The following ECM2 variants were observed in gnomAD, a reference collection of about 807,000 sequenced individuals.
ECM2 encodes extracellular matrix protein 2, female organ and adipocyte specific.
In ECM2, 57 loss-of-function variants were observed where a neutral mutation model predicts 67.5. That is an observed-to-expected ratio of 0.84 (90% CI 0.68 to 1.05). The LOEUF is 1.05. Ranked by LOEUF, ECM2 falls within the 50% of genes least tolerant of loss-of-function variation. ECM2 has a pLI of 0.00. For missense variants in ECM2, 741 were observed against 822.8 expected, an observed-to-expected ratio of 0.90 and a Z score of 1.22; for synonymous variants, 258 against 294.5, an observed-to-expected ratio of 0.88 and a Z score of 1.27.
chr9:92,546,374 C>T, the ECM2 span, among the ~76,000 whole-genome samples: 2 of 152,130 alleles, frequency 1.3e-5, no homozygotes, highest in African/African-American at 2.4e-5. Flanking sequence ...TTGCTCTTTG[C>T]AATAAATCTT....
intron 8 of ECM2, among the ~76,000 whole-genome samples, chr9:92,501,283 G>A (rs1161689631): frequency 6.6e-6 from 1 of 152,134 alleles, no homozygotes; most frequent in Non-Finnish European, 1.5e-5. Flanking sequence ...GAGTCCATGC[G>A]AGAGGAGCAT....
the ECM2 span, among the ~76,000 whole-genome samples, chr9:92,556,640 T>C: frequency 2.6e-5 from 4 of 152,224 alleles, no homozygotes; most frequent in African/African-American, 7.2e-5. Flanking sequence ...TTGTCTGATA[T>C]AAGAATAGCT....
chr9:92,548,640 A>G, the ECM2 span, among the ~76,000 whole-genome samples: 1 of 152,260 alleles, frequency 6.6e-6, no homozygotes, highest in Non-Finnish European at 1.5e-5. Flanking sequence ...AATATCAAGT[A>G]TATTTAAAAT....
At chr9:92,525,551 T>C (rs1003380959) in intron 1 of ECM2, among the ~76,000 whole-genome samples, 1 of 152,112 alleles carries the variant, frequency 6.6e-6, no homozygotes, top group African/African-American at 2.4e-5. Flanking sequence ...ATAATGTTTG[T>C]GGTGATGCTG....
At chr9:92,543,935 G>C in the ECM2 span, among the ~76,000 whole-genome samples, 2 of 151,986 alleles carry the variant, frequency 1.3e-5, no homozygotes, top group African/African-American at 4.8e-5. Context: ...GCAGTTTTTT[G>C]GTGCAGTCTT....
intron 9 of ECM2, among the ~76,000 whole-genome samples, chr9:92,498,477 A>G (rs1846486663): frequency 6.6e-6 from 1 of 152,042 alleles, no homozygotes; most frequent in South Asian, 2.1e-4. Flanking sequence ...AAAAAAGACA[A>G]TCATAGAAGT....
chr9:92,539,979 A>G (rs72754447), upstream of ECM2, among the ~76,000 whole-genome samples: 6,057 of 152,290 alleles, frequency 0.04, 184 homozygotes, highest in South Asian at 0.098. Context: ...CACCAGAAAT[A>G]TATAAAATGC....
At chr9:92,537,619 C>T (rs1414234943), upstream of ECM2, among the ~76,000 whole-genome samples, 1 of 152,050 alleles carries the variant, frequency 6.6e-6, no homozygotes, top group Non-Finnish European at 1.5e-5. Flanking sequence ...AAGATTGTGC[C>T]ATTGCACTCC....
rs41280067 is a variant in ECM2, at chr9:92,514,770, C to T, written c.915G>A (p.Pro305=). The T allele has an allele frequency of 1.8e-5, 29 of 1,613,860 alleles. No individual in the cohort carries two copies. Among genetic ancestry groups the T allele is most frequent in the East Asian group, 6.7e-5 (3 of 44,874 alleles). ...GDMFRMPSRS[P]LPAPPRGTLR... is the part of the protein sequence containing the mutation. Reference sequence around the variant, plus strand: ...GTGTGCCTCTGGGAGGAGCAGGAAGCGGGGATCGAGAGGGCATTCGGAACA... The same window carrying T: ...GTGTGCCTCTGGGAGGAGCAGGAAGTGGGGATCGAGAGGGCATTCGGAACA... Residue 305 remains proline, a synonymous_variant, in exon 4 of 10, where the codon CCG becomes CCA. Coordinates refer to ENST00000344604, the MANE Select transcript of ECM2 (RefSeq NM_001393.4).
intron 9 of ECM2, among the ~76,000 whole-genome samples, chr9:92,499,649 CA>C (rs1226610370): frequency 6.6e-6 from 1 of 152,118 alleles, no homozygotes; most frequent in Non-Finnish European, 1.5e-5. Context: ...GTATTTTTGC[CA>C]AAAAATTTTG....
chr9:92,494,126 TC>T (rs779462997), downstream of ECM2: 4 of 1,597,866 alleles, frequency 2.5e-6, no homozygotes, highest in Non-Finnish European at 3.4e-6. Context: ...TGTCACTGTC[TC>T]TAGAACAGCA....
At chr9:92,533,328 A>ATAT (rs1247921787) in intron 1 of ECM2, among the ~76,000 whole-genome samples, 9 of 38,332 alleles carry the variant, frequency 2.3e-4, no homozygotes, top group African/African-American at 7.3e-4. Flanking sequence ...AAAAAAAAAA[A>ATAT]ATATATATAT....
chr9:92,524,212 G>A (rs1440280292), intron 1 of ECM2, among the ~76,000 whole-genome samples: 1 of 152,162 alleles, frequency 6.6e-6, no homozygotes, highest in African/African-American at 2.4e-5. Flanking sequence ...GGGCGTGATG[G>A]TGCCATATAA....
upstream of ECM2, among the ~76,000 whole-genome samples, chr9:92,538,018 G>T (rs971762674): frequency 6.6e-6 from 1 of 152,106 alleles, no homozygotes; most frequent in Non-Finnish European, 1.5e-5. Context: ...AGGGAAAACA[G>T]AAACTCTCCT....
intron 6 of ECM2, among the ~76,000 whole-genome samples, chr9:92,506,735 A>G (rs1316057276): frequency 1.3e-5 from 2 of 152,112 alleles, no homozygotes; most frequent in African/African-American, 2.4e-5. Flanking sequence ...TTTAGATAGA[A>G]GTAGGAGGAA....
chr9:92,526,963 C>A (rs868342002), intron 1 of ECM2, among the ~76,000 whole-genome samples: 5 of 152,148 alleles, frequency 3.3e-5, no homozygotes, highest in African/African-American at 7.2e-5. Flanking sequence ...TTATTTTAGA[C>A]CATATTCTTA....
At chr9:92,545,409 G>A in the ECM2 span, among the ~76,000 whole-genome samples, 1 of 152,172 alleles carries the variant, frequency 6.6e-6, no homozygotes, top group Non-Finnish European at 1.5e-5. Flanking sequence ...AGCTGCGGAG[G>A]GTGCGTCGGG....
Position 92,495,539 on chromosome 9 carries a change from C to T in ECM2, c.*776G>A, listed in dbSNP as rs1846305115. ...TAATTTGTATTTTAAGCAAACTCTA[C>T]TGCTTTTCAAAAAATGTCTTAATCT... On this transcript the variant is annotated 3_prime_UTR_variant, in exon 10 of 10. Transcript: ENST00000344604. 1 of 981,544 alleles carries T rather than the reference C, an allele frequency of 1.0e-6. No homozygotes were observed. Among genetic ancestry groups the T allele is most frequent in the Non-Finnish European group, 1.2e-6 (1 of 826,582 alleles). The allele number at this position is 981,544 out of a possible 1,614,324, so 60.8% of individuals were successfully genotyped here. A position where few individuals can be genotyped will look rare whatever the true frequency, so the allele number is the denominator to read the frequency against.
chr9:92,512,272 A>G (rs1847399604), intron 4 of ECM2, 146 bp from the exon 5 acceptor site: 1 of 474,496 alleles, frequency 2.1e-6, no homozygotes, highest in Admixed American at 4.1e-5. Context: ...TATATATTAT[A>G]TAACCAAAGC....
Sources: gnomAD v4.1 joint callset for allele counts (sites outside exome capture counted in the v4.1 genomes callset) on GRCh38, gnomAD v4.1.1 for gene constraint, MANE v1.5 for transcripts, NCBI Gene and HGNC (gene_info 2026-07-23, HGNC 2026-07-21) for gene names.